PDE8B: variants seen among roughly 807,000 people sequenced by gnomAD.
The protein encoded by PDE8B is phosphodiesterase 8B.
PDE8B carries 26 observed loss-of-function variants against 101.3 expected under a neutral mutation model. The ratio of observed to expected loss-of-function variants is 0.26; its 90% CI spans 0.19 to 0.36. The LOEUF is 0.36. Ranked by LOEUF, PDE8B falls within the 10% of genes least tolerant of loss-of-function variation. The probability of loss-of-function intolerance (pLI) is 1.00; values close to 1 mark genes in which losing one functional copy is unlikely to be tolerated. For synonymous variants in PDE8B, 424 were observed against 429.3 expected, an observed-to-expected ratio of 0.99 and a Z score of 0.15; for missense variants, 810 against 1,163.1, an observed-to-expected ratio of 0.70 and a Z score of 4.42.
the PDE8B span, among the ~76,000 whole-genome samples, chr5:77,190,908 G>A: frequency 3.9e-5 from 6 of 152,244 alleles, no homozygotes; most frequent in East Asian, 5.8e-4. Flanking sequence ...TATATCAGTC[G>A]GCTTCAGCTA....
chr5:77,325,834 C>T (rs1049591068), intron 3 of PDE8B, 105 bp downstream of exon 3: 13 of 839,084 alleles, frequency 1.5e-5, no homozygotes, highest in Admixed American at 4.0e-5. Flanking sequence ...TTAAAATATG[C>T]GTTGATGTTT....
intron 2 of PDE8B, among the ~76,000 whole-genome samples, chr5:77,316,938 GT>G (rs905282918): frequency 5.9e-5 from 9 of 152,114 alleles, no homozygotes; most frequent in Non-Finnish European, 1.2e-4. Context: ...ATAATTAAGG[GT>G]TTCTTTTAAA....
intron 14 of PDE8B, among the ~76,000 whole-genome samples, chr5:77,409,803 G>A (rs1794181822): frequency 6.6e-6 from 1 of 152,250 alleles, no homozygotes; most frequent in South Asian, 2.1e-4. Flanking sequence ...TCATGTATGA[G>A]TTTGACTTTG....
At position 77,355,138 on chromosome 5, in the gene PDE8B, C is replaced by T. The variant is rs114434726; in HGVS notation, c.1167+1732C>T. Among the ~76,000 whole-genome samples, 370 of 152,326 alleles carry T rather than the reference C, an allele frequency of 2.4e-3. 1 individual carries two copies. The highest frequency in any genetic ancestry group is 8.4e-3 in the African/African-American group (349 of 41,584). On this transcript the variant is annotated intron_variant, in intron 10 of 21. Coordinates refer to ENST00000264917, the MANE Select transcript of PDE8B (RefSeq NM_003719.5). Reference sequence around the variant, plus strand: ...CCTCCTGCCTCACAGGGAGAGCAGGCAAGCCCTTAGCACAGGACTTTAGGA... The same window carrying T: ...CCTCCTGCCTCACAGGGAGAGCAGGTAAGCCCTTAGCACAGGACTTTAGGA...
chr5:77,120,652 T>C, the PDE8B span, among the ~76,000 whole-genome samples: 1 of 152,234 alleles, frequency 6.6e-6, no homozygotes, highest in African/African-American at 2.4e-5. Context: ...GTAGCATTCT[T>C]TCAACTTCTC....
At chr5:77,121,560 T>A in the PDE8B span, among the ~76,000 whole-genome samples, 1 of 149,186 alleles carries the variant, frequency 6.7e-6, no homozygotes, top group African/African-American at 2.5e-5. Flanking sequence ...CAGGCTGGAG[T>A]GCAGTGGCAC....
chr5:77,179,209 T>C, the PDE8B span, among the ~76,000 whole-genome samples: 2,210 of 152,404 alleles, frequency 0.015, 23 homozygotes, highest in Non-Finnish European at 0.022. Context: ...TGCCTTTTTG[T>C]AGGCCTTTAT....
chr5:77,253,057 G>T (rs1275712204), intron 1 of PDE8B, among the ~76,000 whole-genome samples: 1 of 152,088 alleles, frequency 6.6e-6, no homozygotes, highest in East Asian at 1.9e-4. Flanking sequence ...AAAGCAGCAA[G>T]AAAATTAATT....
At chr5:77,169,685 A>C in the PDE8B span, among the ~76,000 whole-genome samples, 1 of 152,150 alleles carries the variant, frequency 6.6e-6, no homozygotes, top group African/African-American at 2.4e-5. Context: ...AGGTAATCTA[A>C]GAGATACACC....
chr5:77,256,925 T>C (rs1252312415), intron 1 of PDE8B, among the ~76,000 whole-genome samples: 2 of 152,234 alleles, frequency 1.3e-5, no homozygotes, highest in Non-Finnish European at 2.9e-5. Context: ...TGCTTAGCTC[T>C]GTTATTCAAT....
chr5:77,222,764 T>C (rs1172599920), intron 1 of PDE8B, among the ~76,000 whole-genome samples: 1 of 152,116 alleles, frequency 6.6e-6, no homozygotes, highest in Non-Finnish European at 1.5e-5. Flanking sequence ...TGAAGAACTG[T>C]GAGCCTGAGG....
intron 1 of PDE8B, among the ~76,000 whole-genome samples, chr5:77,246,462 T>G (rs1756966524): frequency 6.6e-6 from 1 of 152,214 alleles, no homozygotes; most frequent in African/African-American, 2.4e-5. Flanking sequence ...TCACTACCTA[T>G]TTTTGTATGG....
chr5:77,412,113 T>C lies in PDE8B; in HGVS notation c.1590T>C (p.Ser530=). The C allele has an allele frequency of 6.2e-7, 1 of 1,613,686 alleles. No homozygotes were observed. Among genetic ancestry groups the C allele is most frequent in the Non-Finnish European group, 8.5e-7 (1 of 1,179,914 alleles). The stretch of plus-strand genomic sequence containing the variant: ...CTGTTTGCTCAGATGTGCACCAGAG[T>C]CACAGTCACCTTGCAATGCCAATAA... ...EYVFTKNVHQ[S]HSHLAMPITI... Residue 530 remains serine, a synonymous_variant, in exon 16 of 22, where the codon AGT becomes AGC. Transcript: ENST00000264917.
intron 1 of PDE8B, among the ~76,000 whole-genome samples, chr5:77,309,338 G>C (rs7717513): frequency 5.0e-4 from 76 of 152,274 alleles, no homozygotes; most frequent in African/African-American, 1.8e-3. Context: ...TTTTTGGACA[G>C]CCTGTGCCCT....
intron 6 of PDE8B, among the ~76,000 whole-genome samples, chr5:77,342,386 C>T (rs753322395): frequency 1.5e-4 from 23 of 152,196 alleles, no homozygotes; most frequent in African/African-American, 2.6e-4. Context: ...TGCCTCAGGT[C>T]GCATAACTGG....
chr5:77,138,015 G>C, the PDE8B span, among the ~76,000 whole-genome samples: 54 of 151,914 alleles, frequency 3.6e-4, no homozygotes, highest in East Asian at 7.3e-3. Flanking sequence ...AAGTAATTGC[G>C]GTTTTTGCTA....
At chr5:77,091,018 T>C in the PDE8B span, among the ~76,000 whole-genome samples, 32,697 of 152,206 alleles carry the variant, frequency 0.21, 4,298 homozygotes, top group Admixed American at 0.34. Flanking sequence ...GCTGCACCAA[T>C]TGACATTTCC....
chr5:77,129,588 T>A, the PDE8B span, among the ~76,000 whole-genome samples: 2 of 152,240 alleles, frequency 1.3e-5, no homozygotes, highest in Non-Finnish European at 2.9e-5. Context: ...TGAGGCAAGA[T>A]CTAGCTGTGC....
intron 1 of PDE8B, among the ~76,000 whole-genome samples, chr5:77,217,404 T>G (rs1750020017): frequency 1.3e-5 from 2 of 152,178 alleles, no homozygotes; most frequent in African/African-American, 2.4e-5. Flanking sequence ...TAAGGTTATA[T>G]TTTCAATAAA....
Sources: allele counts gnomAD v4.1 joint callset (sites outside exome capture counted in the v4.1 genomes callset), GRCh38; gene constraint gnomAD v4.1.1; transcripts MANE v1.5; gene names NCBI Gene and HGNC (gene_info 2026-07-23, HGNC 2026-07-21).